Variants in KIAA0513 observed in about 807,000 individuals in gnomAD.
The protein encoded by KIAA0513 is KIAA0513.
A neutral mutation model predicts 56.5 loss-of-function variants in KIAA0513; 39 were observed. The observed-to-expected ratio is 0.69, with a 90% CI of 0.53 to 0.90. The LOEUF (loss-of-function observed/expected upper bound fraction) is 0.90. Among genes scored for constraint, KIAA0513 ranks in the 40% least tolerant of loss-of-function variants. The pLI is 0.00. For missense variants in KIAA0513, 591 were observed against 535.2 expected (o/e 1.10, Z -1.03); for synonymous variants, 268 against 215.6 (o/e 1.24, Z -2.13).
In KIAA0513 at chr16:85,079,174, G is replaced by C; in HGVS notation, c.902+171G>C. 2.9e-6 allele frequency: 4 copies of C among 1,380,368 alleles called. No homozygotes were observed. The South Asian group carries it at 5.8e-5, about 20-fold the overall frequency. The allele number at this position is 1,380,368 out of a possible 1,614,324, so 85.5% of individuals were successfully genotyped here. The stretch of plus-strand genomic sequence containing the variant: ...TCACAGGCGTTGGTGAGGATGTGGA[G>C]AAACTGGAGCTCTCCTGTATGGCTA... On this transcript the variant is annotated intron_variant, in intron 8 of 12. Transcript: ENST00000683363.
In KIAA0513 at chr16:85,081,290, G is replaced by T; in HGVS notation, c.903-25G>T. 1.2e-6 allele frequency: 2 copies of T among 1,612,114 alleles called. No individual in the cohort carries two copies. Among genetic ancestry groups the T allele is most frequent in the East Asian group, 2.2e-5 (1 of 44,840 alleles). The stretch of plus-strand genomic sequence containing the variant: ...TCCTCCCCGCCTCCCCTTGGAGAGA[G>T]TGTGACTGGGGCTCTGTCTTGCAGG... On this transcript the variant is annotated intron_variant, in intron 8 of 12. Coordinates refer to ENST00000683363, the MANE Select transcript of KIAA0513 (RefSeq NM_001388359.1). The surrounding 1 kb of genome is among the most constrained non-coding windows in gnomAD (Gnocchi z 4.4).
At chr16:85,057,759 TTTTGTTTTTG>T (rs1347894694) in intron 1 of KIAA0513, among the ~76,000 whole-genome samples, 1 of 146,552 alleles carries the variant, frequency 6.8e-6, no homozygotes, top group African/African-American at 2.7e-5. Flanking sequence ...TGCCTCTGCT[TTTTGTTTTTG>T]TTTTTTTTTT....
chr16:85,086,757 A>T (rs2073813946), intron 11 of KIAA0513, 33 bp downstream of exon 11: 4 of 1,537,836 alleles, frequency 2.6e-6, no homozygotes, highest in Admixed American at 1.8e-5. Context: ...GGGAGGGGAG[A>T]GGGGGGAGGG....
intron 1 of KIAA0513, among the ~76,000 whole-genome samples, chr16:85,036,074 C>G (rs942845620): frequency 1.3e-5 from 2 of 152,134 alleles, no homozygotes; most frequent in African/African-American, 4.8e-5. Flanking sequence ...CTTGGCCTCC[C>G]AAAATGCTGG....
rs1309137711 is a variant in KIAA0513 at position 85,078,596 on chromosome 16, C to G, written c.823+141C>G. The G allele has an allele frequency of 2.3e-5, 18 of 772,096 alleles. No individual in the cohort carries two copies. In the East Asian group the frequency reaches 4.8e-4, roughly 21 times the overall value. 47.8% of individuals were successfully genotyped at this position (772,096 alleles called of 1,614,324 possible). A position where few individuals can be genotyped will look rare whatever the true frequency, so the allele number is the denominator to read the frequency against. The stretch of plus-strand genomic sequence containing the variant: ...CCTGGGTGATGCCCCAGTTGCTTCC[C>G]AGCTCCCGTGGTTGTATTTTCTCAC... On this transcript the variant is annotated intron_variant, in intron 7 of 12. Coordinates refer to ENST00000683363, the MANE Select transcript of KIAA0513 (RefSeq NM_001388359.1).
intron 9 of KIAA0513, among the ~76,000 whole-genome samples, chr16:85,082,260 TG>T: frequency 6.6e-6 from 1 of 152,178 alleles, no homozygotes; most frequent in Non-Finnish European, 1.5e-5. Context: ...CCGCATTTCC[TG>T]GGGAGGCAGA....
chr16:85,036,946 G>T (rs2073044186), intron 1 of KIAA0513, among the ~76,000 whole-genome samples: 2 of 152,108 alleles, frequency 1.3e-5, no homozygotes, highest in Admixed American at 1.3e-4. Flanking sequence ...TTCTTGCAGG[G>T]TTTCTGGCCT....
intron 11 of KIAA0513, 48 bp downstream of exon 11, chr16:85,086,772 C>G: frequency 1.3e-6 from 2 of 1,511,232 alleles, no homozygotes; most frequent in Non-Finnish European, 1.8e-6. Context: ...GGAGGGCCCA[C>G]CCTGTGAGCT....
In KIAA0513 at chr16:85,091,110, C is replaced by G. The variant is rs1199498534; in HGVS notation, c.*2785C>G. 1 of 152,250 alleles carries G rather than the reference C, an allele frequency of 6.6e-6. No homozygotes were observed. The highest frequency in any genetic ancestry group is 1.9e-4 in the East Asian group (1 of 5,200). The allele number at this position is 152,250 out of a possible 1,614,324, so 9.4% of individuals were successfully genotyped here. ...TCCCAGTCCCAGCAGGCAGAATGCC[C>G]AAAACCAGGAGCACGAAGGCCTGTC... On this transcript the variant is annotated 3_prime_UTR_variant, in exon 13 of 13. Transcript: ENST00000683363.
intron 1 of KIAA0513, among the ~76,000 whole-genome samples, chr16:85,034,979 T>C (rs538684675): frequency 2.4e-4 from 36 of 152,332 alleles, no homozygotes; most frequent in Admixed American, 1.8e-3. Context: ...ACAAGTGCTC[T>C]GCAGGGCGCT....
intron 1 of KIAA0513, among the ~76,000 whole-genome samples, chr16:85,043,831 G>A (rs1331963262): frequency 1.3e-5 from 2 of 152,146 alleles, no homozygotes; most frequent in Non-Finnish European, 2.9e-5. Flanking sequence ...TCGGGAGTTC[G>A]AGACCAGCCT....
At chr16:85,055,965 G>A (rs1037867614) in intron 1 of KIAA0513, among the ~76,000 whole-genome samples, 7 of 152,156 alleles carry the variant, frequency 4.6e-5, no homozygotes, top group Non-Finnish European at 1.0e-4. Flanking sequence ...TTTCCCTCCA[G>A]TGTCTCCCCC....
chr16:85,061,885 C>T (rs1567533380), intron 1 of KIAA0513, among the ~76,000 whole-genome samples: 2 of 152,214 alleles, frequency 1.3e-5, no homozygotes, highest in Admixed American at 1.3e-4. Flanking sequence ...CCGCTGTGGC[C>T]TCTTTTCCCA....
intron 1 of KIAA0513, among the ~76,000 whole-genome samples, chr16:85,065,979 C>T (rs116785313): frequency 3.3e-3 from 510 of 152,322 alleles, no homozygotes; most frequent in African/African-American, 7.8e-3. Context: ...CACACATGCA[C>T]GTAGTCAGGA....
At chr16:85,036,232 T>G (rs2073034519) in intron 1 of KIAA0513, among the ~76,000 whole-genome samples, 1 of 152,178 alleles carries the variant, frequency 6.6e-6, no homozygotes, top group African/African-American at 2.4e-5. Context: ...ATTCAGTGAT[T>G]CTTAGTAACT....
At chr16:85,043,402 T>C in intron 1 of KIAA0513, among the ~76,000 whole-genome samples, 1 of 55,178 alleles carries the variant, frequency 1.8e-5, no homozygotes, top group East Asian at 4.0e-4. Flanking sequence ...GCTTCTTGGA[T>C]TTTTTTTTTT....
At chr16:85,083,050 T>C (rs1327509488) in intron 10 of KIAA0513, among the ~76,000 whole-genome samples, 1 of 152,074 alleles carries the variant, frequency 6.6e-6, no homozygotes, top group Non-Finnish European at 1.5e-5. Context: ...AAGCCACGGG[T>C]GGGGTGCAGA....
At chr16:85,035,561 G>A (rs570676850) in intron 1 of KIAA0513, among the ~76,000 whole-genome samples, 36 of 152,188 alleles carry the variant, frequency 2.4e-4, no homozygotes, top group African/African-American at 6.5e-4. Context: ...TGCAATCACC[G>A]CTCACTGCAG....
At chr16:85,069,945 G>A (rs1033789145) in intron 2 of KIAA0513, among the ~76,000 whole-genome samples, 4 of 151,338 alleles carry the variant, frequency 2.6e-5, no homozygotes, top group African/African-American at 4.9e-5. Flanking sequence ...CGGGCAGGTC[G>A]CTTGAGCCCA....
Sources: gnomAD v4.1 joint callset for allele counts (sites outside exome capture counted in the v4.1 genomes callset) on GRCh38, gnomAD v4.1.1 for gene constraint, Gnocchi (gnomAD v3.1) non-coding constraint, MANE v1.5 for transcripts, NCBI Gene and HGNC (gene_info 2026-07-23, HGNC 2026-07-21) for gene names.